SCP2: variants seen among roughly 807,000 people sequenced by gnomAD.
SCP2 encodes SCP-2/3-oxoacyl-CoA thiolase.
In SCP2, 48 loss-of-function variants were observed where a neutral mutation model predicts 71.4. That is an observed-to-expected ratio of 0.67 (90% CI 0.53 to 0.86). The LOEUF is 0.86. SCP2 is among the 40% of genes least tolerant of loss of function. SCP2 has a pLI of 0.00. For synonymous variants in SCP2, 220 were observed against 218.1 expected, an observed-to-expected ratio of 1.01 and a Z score of -0.08; for missense variants, 560 against 655.6, an observed-to-expected ratio of 0.85 and a Z score of 1.59.
chr1:53,022,735 T>C (rs976746624), intron 12 of SCP2, among the ~76,000 whole-genome samples: 4 of 152,200 alleles, frequency 2.6e-5, no homozygotes, highest in African/African-American at 9.6e-5. Context: ...AGAGAGAGCC[T>C]TGAGTGGTAG....
At chr1:52,928,956 G>A (rs889798157) in intron 1 of SCP2, among the ~76,000 whole-genome samples, 1 of 152,060 alleles carries the variant, frequency 6.6e-6, no homozygotes, top group Non-Finnish European at 1.5e-5. Context: ...GATTATATGT[G>A]CTGTATGGAA....
intron 9 of SCP2, among the ~76,000 whole-genome samples, chr1:52,978,626 G>A (rs1379016941): frequency 2.0e-5 from 3 of 152,216 alleles, no homozygotes; most frequent in East Asian, 1.9e-4. Flanking sequence ...GCAGTAGTGC[G>A]ATCTCAGCTT....
At chr1:52,979,263 C>T (rs1317159682) in intron 9 of SCP2, among the ~76,000 whole-genome samples, 1 of 152,080 alleles carries the variant, frequency 6.6e-6, no homozygotes, top group Non-Finnish European at 1.5e-5. Context: ...CCTCTGCCTC[C>T]TAGTCTCAAG....
At chr1:52,944,998 G>A (rs887710026) in intron 2 of SCP2, among the ~76,000 whole-genome samples, 3 of 151,778 alleles carry the variant, frequency 2.0e-5, no homozygotes, top group African/African-American at 7.3e-5. Context: ...ATACCTTTTT[G>A]TAACTCATTC....
intron 11 of SCP2, among the ~76,000 whole-genome samples, chr1:52,997,247 C>A (rs984876146): frequency 3.9e-5 from 6 of 152,156 alleles, no homozygotes; most frequent in Non-Finnish European, 2.9e-5. Context: ...TGGCTCATTG[C>A]AACTTCTGCC....
At chr1:53,042,297 G>C (rs542131375) in intron 14 of SCP2, among the ~76,000 whole-genome samples, 4 of 151,234 alleles carry the variant, frequency 2.6e-5, no homozygotes, top group Non-Finnish European at 5.9e-5. Context: ...AAGGTTAATG[G>C]TTACTTTTAT....
At chr1:52,980,984 T>A (rs1237304697) in intron 10 of SCP2, among the ~76,000 whole-genome samples, 1 of 152,170 alleles carries the variant, frequency 6.6e-6, no homozygotes, top group Admixed American at 6.5e-5. Flanking sequence ...CAGGCTGGAG[T>A]GCAGTGGTGC....
intron 12 of SCP2, 130 bp from the exon 13 acceptor site, chr1:53,027,839 T>G (rs1662245142): frequency 3.2e-6 from 2 of 633,630 alleles, no homozygotes; most frequent in Non-Finnish European, 5.8e-6. Context: ...ACTAAAGATT[T>G]CCTTTGGATA....
At chr1:52,953,871 C>T (rs1655548279) in intron 4 of SCP2, among the ~76,000 whole-genome samples, 1 of 150,464 alleles carries the variant, frequency 6.6e-6, no homozygotes, top group Non-Finnish European at 1.5e-5. Context: ...GTGCCACAGG[C>T]CTGCAGTCCC....
intron 10 of SCP2, among the ~76,000 whole-genome samples, chr1:52,982,431 A>G (rs917808551): frequency 3.9e-5 from 6 of 152,060 alleles, no homozygotes; most frequent in Non-Finnish European, 7.4e-5. Flanking sequence ...TTAGCCGGGC[A>G]TGGTGTTGGG....
chr1:52,943,901 C>A, intron 2 of SCP2: 1 of 434,756 alleles, frequency 2.3e-6, no homozygotes, highest in South Asian at 1.9e-5. Context: ...ACCAGTGGTT[C>A]ATTTCGGGCA....
intron 1 of SCP2, among the ~76,000 whole-genome samples, chr1:52,932,402 G>GA: frequency 6.6e-6 from 1 of 152,206 alleles, no homozygotes; most frequent in Non-Finnish European, 1.5e-5. Flanking sequence ...TTTGAGGGTA[G>GA]AAAAAAATTT....
intron 8 of SCP2, among the ~76,000 whole-genome samples, chr1:52,976,976 T>G (rs976576433): frequency 1.5e-4 from 23 of 152,252 alleles, no homozygotes; most frequent in Admixed American, 1.3e-3. Context: ...TGGAAAATGA[T>G]GTGTTTTACT....
At chr1:52,950,647 T>C in intron 3 of SCP2, 108 bp from the exon 4 acceptor site, 1 of 841,226 alleles carries the variant, frequency 1.2e-6, no homozygotes, top group Non-Finnish European at 2.0e-6. Context: ...GTCTTGCACA[T>C]GTTATATGCT....
chr1:53,036,019 CAAAAAAA>C (rs35164089), intron 13 of SCP2, among the ~76,000 whole-genome samples: 3 of 63,292 alleles, frequency 4.7e-5, no homozygotes. Context: ...GACTCCGTCT[CAAAAAAA>C]AAAAAAAAAA....
chr1:52,980,638 C>T (rs1658403754), intron 10 of SCP2, 95 bp downstream of exon 10: 3 of 1,262,594 alleles, frequency 2.4e-6, no homozygotes, highest in Non-Finnish European at 3.5e-6. Flanking sequence ...TTCACTTTTC[C>T]CTTAACGTTG....
chr1:52,988,368 A>G (rs1194514842), intron 11 of SCP2, among the ~76,000 whole-genome samples: 6 of 152,218 alleles, frequency 3.9e-5, no homozygotes, highest in Admixed American at 3.9e-4. Flanking sequence ...GATGTTTCCA[A>G]ATAGAGATCT....
rs1199702020 is a variant in SCP2 at position 52,993,737 on chromosome 1, AT to A, written c.1081+5603del. 8.1e-6 allele frequency: 13 copies of A among 1,607,362 alleles called. No homozygotes were observed. In the African/African-American group the frequency reaches 1.7e-4, roughly 21 times the overall value. ...TAGGAAACAAAACATTTGTAATATGATTGAAGACTCCTGCATGCCTCCTCAA... is the reference window on the plus strand; with the variant it reads ...TAGGAAACAAAACATTTGTAATATGATGAAGACTCCTGCATGCCTCCTCAA... On this transcript the variant is annotated intron_variant, in intron 11 of 15. Transcript: ENST00000371514.
chr1:52,934,316 AT>A (rs912248370), intron 1 of SCP2, among the ~76,000 whole-genome samples: 11 of 150,424 alleles, frequency 7.3e-5, no homozygotes, highest in African/African-American at 2.2e-4. Context: ...ACTATTAAAA[AT>A]TTTTTTTTTG....
Sources: gnomAD v4.1 joint callset for allele counts (sites outside exome capture counted in the v4.1 genomes callset) on GRCh38, gnomAD v4.1.1 for gene constraint, MANE v1.5 for transcripts, NCBI Gene and HGNC (gene_info 2026-07-23, HGNC 2026-07-21) for gene names.